SLC35F4: variants seen among roughly 807,000 people sequenced by gnomAD.
The protein encoded by SLC35F4 is chromosome 14 open reading frame 36.
Under a neutral mutation model 44.2 loss-of-function variants are expected in SLC35F4, and 24 were observed. The ratio of observed to expected loss-of-function variants is 0.54; its 90% CI spans 0.39 to 0.76. The LOEUF (loss-of-function observed/expected upper bound fraction) is 0.76, where lower values mean the gene tolerates loss of function less well. Ranked by LOEUF, SLC35F4 falls within the 30% of genes least tolerant of loss-of-function variation. The probability of loss-of-function intolerance (pLI) is 0.00; values close to 1 mark genes in which losing one functional copy is unlikely to be tolerated. For missense variants in SLC35F4, 562 were observed against 586.1 expected (o/e 0.96, Z 0.42); for synonymous variants, 238 against 223.6 (o/e 1.06, Z -0.57).
In SLC35F4 at chr14:57,926,057, C is replaced by T. The variant is rs1472466394; in HGVS notation, n.282+55856G>A. On this transcript the variant is annotated intron_variant and non_coding_transcript_variant, in intron 1 of 1. Transcript: ENST00000556568. ...TTTAGTATCTTTATGTATCAGTTCC[C>T]GTATGTGTAAAATGAGAGTGGTTCA... Among the ~76,000 whole-genome samples, 9 of 152,202 alleles carry T rather than the reference C, an allele frequency of 5.9e-5. No homozygotes were observed. The East Asian group carries it at 7.7e-4, about 13-fold the overall frequency.
intron 1 of SLC35F4, among the ~76,000 whole-genome samples, chr14:57,875,037 G>C (rs888275472): frequency 6.6e-6 from 1 of 152,020 alleles, no homozygotes; most frequent in Non-Finnish European, 1.5e-5. Context: ...GTAAATGGAT[G>C]GAATTATATA....
At position 57,692,663 on chromosome 14, in the gene SLC35F4, A is replaced by G. The variant is rs2075269750; in HGVS notation, c.104-98539T>C. ...TACGGAATTACAATTACCTAATTGT[A>G]TATTTCTAACACAGTAGCCTTGATA... is the stretch of plus-strand genomic sequence containing the variant. On this transcript the variant is annotated intron_variant, in intron 1 of 7. Coordinates refer to ENST00000556826, the MANE Select transcript of SLC35F4 (RefSeq NM_001306087.2). 3.9e-5 allele frequency among the ~76,000 whole-genome samples: 6 copies of G among 152,272 alleles called. No homozygotes were observed. The East Asian group carries it at 1.2e-3, about 29-fold the overall frequency.
intron 1 of SLC35F4, among the ~76,000 whole-genome samples, chr14:57,957,434 C>CA (rs59335089): frequency 0.15 from 21,592 of 148,018 alleles, 2,118 homozygotes; most frequent in African/African-American, 0.28. Flanking sequence ...ACTTAAAGTA[C>CA]AAAAAAAAAA....
intron 1 of SLC35F4, among the ~76,000 whole-genome samples, chr14:57,710,401 G>C (rs116597447): frequency 6.6e-6 from 1 of 152,140 alleles, no homozygotes; most frequent in Admixed American, 6.5e-5. Context: ...GAGAACTTCC[G>C]CTAGGGCAGT....
intron 1 of SLC35F4, among the ~76,000 whole-genome samples, chr14:57,907,552 T>C (rs60715548): frequency 0.19 from 29,509 of 152,126 alleles, 3,661 homozygotes; most frequent in African/African-American, 0.35. Context: ...TGGGTTAAAA[T>C]GTGGTTCCCA....
In SLC35F4 at chr14:57,717,432, C is replaced by T. The variant is rs769695509; in HGVS notation, c.104-123308G>A. 1.1e-4 allele frequency among the ~76,000 whole-genome samples: 16 copies of T among 152,144 alleles called. 1 individual carries two copies. Among genetic ancestry groups the T allele is most frequent in the African/African-American group, 1.7e-4 (7 of 41,496 alleles). Reference sequence around the variant, plus strand: ...CAGGCGGATCACGAGGTCAGGAGATCGAGACCATCCTGGCTAATACGGTGA... The same window carrying T: ...CAGGCGGATCACGAGGTCAGGAGATTGAGACCATCCTGGCTAATACGGTGA... On this transcript the variant is annotated intron_variant, in intron 1 of 7. Transcript: ENST00000556826.
intron 1 of SLC35F4, among the ~76,000 whole-genome samples, chr14:57,713,732 C>G (rs1047025794): frequency 1.3e-5 from 2 of 152,076 alleles, no homozygotes; most frequent in Non-Finnish European, 2.9e-5. Flanking sequence ...ACCTAGGGTA[C>G]GTGCTCAATG....
At chr14:57,608,102 A>T (rs1273751898) in intron 1 of SLC35F4, among the ~76,000 whole-genome samples, 1 of 152,146 alleles carries the variant, frequency 6.6e-6, no homozygotes, top group East Asian at 1.9e-4. Flanking sequence ...ACACAGATCT[A>T]GAGTTCAGAA....
chr14:57,568,204 T>C (rs2139676447), intron 6 of SLC35F4, among the ~76,000 whole-genome samples: 1 of 152,324 alleles, frequency 6.6e-6, no homozygotes, highest in East Asian at 1.9e-4. Flanking sequence ...CTGTACCCAG[T>C]GGAGTGTGGA....
intron 1 of SLC35F4, among the ~76,000 whole-genome samples, chr14:57,850,773 A>G (rs537377003): frequency 4.6e-5 from 7 of 152,340 alleles, no homozygotes; most frequent in African/African-American, 1.4e-4. Flanking sequence ...GTACCTAGGT[A>G]TACTGCAGGA....
chr14:57,629,599 A>C (rs1411218866), intron 1 of SLC35F4, among the ~76,000 whole-genome samples: 7 of 152,138 alleles, frequency 4.6e-5, no homozygotes, highest in African/African-American at 1.7e-4. Flanking sequence ...GCCATATAGA[A>C]ACTTCAAGAT....
chr14:57,793,313 CA>C (rs2077974173), intron 1 of SLC35F4, among the ~76,000 whole-genome samples: 1 of 151,470 alleles, frequency 6.6e-6, no homozygotes, highest in Non-Finnish European at 1.5e-5. Context: ...TGAAACTGTA[CA>C]GTGGTGAAGA....
chr14:57,669,260 A>G (rs1337153537), intron 1 of SLC35F4, among the ~76,000 whole-genome samples: 7 of 151,772 alleles, frequency 4.6e-5, no homozygotes, highest in Non-Finnish European at 1.5e-5. Flanking sequence ...TAGATATACA[A>G]TCATGTCAAC....
At chr14:57,903,813 T>G (rs938505490) in intron 1 of SLC35F4, among the ~76,000 whole-genome samples, 23 of 152,212 alleles carry the variant, frequency 1.5e-4, no homozygotes, top group African/African-American at 5.5e-4. Flanking sequence ...AGATTGGAGA[T>G]CTATTCTAAC....
Position 57,775,764 on chromosome 14 carries a change from G to C in SLC35F4, c.103+89959C>G, listed in dbSNP as rs552639059. On this transcript the variant is annotated intron_variant, in intron 1 of 7. Transcript: ENST00000556826. ...AGTGTCTTCTTTTCTCCAAATGATT[G>C]CACTCGTTCTTCAGCAAGGGTTCTT... is the stretch of plus-strand genomic sequence containing the variant. 2.0e-5 allele frequency among the ~76,000 whole-genome samples: 3 copies of C among 152,324 alleles called. No homozygotes were observed. The East Asian group carries it at 5.8e-4, about 29-fold the overall frequency.
chr14:57,735,161 C>A (rs1215180486), intron 1 of SLC35F4, among the ~76,000 whole-genome samples: 1 of 152,172 alleles, frequency 6.6e-6, no homozygotes, highest in Non-Finnish European at 1.5e-5. Context: ...GTATTCGTGA[C>A]TTAGTTGCAG....
intron 1 of SLC35F4, among the ~76,000 whole-genome samples, chr14:57,965,914 A>G (rs1890429703): frequency 6.6e-6 from 1 of 152,102 alleles, no homozygotes. Context: ...TCTTCATGGT[A>G]TCTTTCTGCT....
At chr14:57,810,921 A>G (rs536091984) in intron 1 of SLC35F4, among the ~76,000 whole-genome samples, 8 of 152,366 alleles carry the variant, frequency 5.3e-5, no homozygotes, top group African/African-American at 1.9e-4. Flanking sequence ...AGTATTAGGC[A>G]ATTCTAATAT....
chr14:57,919,388 G>T (rs1277291757), intron 1 of SLC35F4, among the ~76,000 whole-genome samples: 1 of 152,176 alleles, frequency 6.6e-6, no homozygotes, highest in African/African-American at 2.4e-5. Flanking sequence ...ACACTTCAAA[G>T]GAAAAAGCAG....
Sources: gnomAD v4.1 joint callset for allele counts (sites outside exome capture counted in the v4.1 genomes callset) on GRCh38, gnomAD v4.1.1 for gene constraint, MANE v1.5 for transcripts, NCBI Gene and HGNC (gene_info 2026-07-23, HGNC 2026-07-21) for gene names.